GOLGA6L2: variants seen among roughly 807,000 people sequenced by gnomAD.
The protein encoded by GOLGA6L2 is golgin A6 family like 2.
Under a neutral mutation model 35.9 loss-of-function variants are expected in GOLGA6L2, and 30 were observed. The observed-to-expected ratio is 0.83, with a 90% CI of 0.62 to 1.13. The LOEUF (loss-of-function observed/expected upper bound fraction) is 1.13, where lower values mean the gene tolerates loss of function less well. GOLGA6L2 is among the 50% of genes most tolerant of loss of function. The probability of loss-of-function intolerance (pLI) is 0.00; values close to 1 mark genes in which losing one functional copy is unlikely to be tolerated. For synonymous variants in GOLGA6L2, 297 were observed against 344.0 expected, an observed-to-expected ratio of 0.86 and a Z score of 1.51; for missense variants, 821 against 973.4, an observed-to-expected ratio of 0.84 and a Z score of 2.08.
Position 23,440,701 on chromosome 15 carries a change from C to G in GOLGA6L2, c.1774G>C (p.Glu592Gln), listed in dbSNP as rs2070660224. The change falls in exon 8 of 8, where the codon GAG (glutamate) becomes CAG (glutamine). Residue 592 changes from glutamate (E) to glutamine (Q), a missense_variant. This residue lies in a region of GOLGA6L2 where 99 missense variants were observed against 199.9 expected (regional missense o/e 0.50). Coordinates refer to ENST00000567107, the MANE Select transcript of GOLGA6L2 (RefSeq NM_001304388.2). The stretch of plus-strand genomic sequence containing the variant: ...ACATCTTCTTCTGCTCCCGCATTCT[C>G]TCCTCCTTCTCCCGCAGCCTCTCGT... The part of the protein sequence containing the change: ...AGREAAGEGG[E>Q]NAGAEEDVAA... 6.7e-7 allele frequency: 1 copy of G among 1,490,886 alleles called. No homozygotes were observed. The highest frequency in any genetic ancestry group is 9.0e-7 in the Non-Finnish European group (1 of 1,108,672). 92.4% of individuals were successfully genotyped at this position (1,490,886 alleles called of 1,614,324 possible). A position where few individuals can be genotyped will look rare whatever the true frequency, so the allele number is the denominator to read the frequency against.
At position 23,439,522 on chromosome 15, in the gene GOLGA6L2, CCT is replaced by C; in HGVS notation, c.*221_*222del. On this transcript the variant is annotated 3_prime_UTR_variant, in exon 8 of 8. Coordinates refer to ENST00000567107, the MANE Select transcript of GOLGA6L2 (RefSeq NM_001304388.2). ...ACATGGCGGCTTATGCTTCTGTAGG[CCT>C]TGTTGACAGTGCCAACTTTTAGATA... 5 of 1,403,286 alleles carry C rather than the reference CCT, an allele frequency of 3.6e-6. No homozygotes were observed. Among genetic ancestry groups the C allele is most frequent in the Non-Finnish European group, 4.8e-6 (5 of 1,033,446 alleles). The allele number at this position is 1,403,286 out of a possible 1,614,324, so 86.9% of individuals were successfully genotyped here. A position where few individuals can be genotyped will look rare whatever the true frequency, so the allele number is the denominator to read the frequency against.
rs1392879569 is a variant in GOLGA6L2, at chr15:23,439,099, C to T, written c.*646G>A. Among the ~76,000 whole-genome samples, 6 of 150,992 alleles carry T rather than the reference C, an allele frequency of 4.0e-5. No individual in the cohort carries two copies. Among genetic ancestry groups the T allele is most frequent in the African/African-American group, 1.5e-4 (6 of 41,218 alleles). The stretch of plus-strand genomic sequence containing the variant: ...ACAAAACAAGACTAAATGAGAAAGA[C>T]CAAGAAGAAAAACAATAGAAACATA... On this transcript the variant is annotated 3_prime_UTR_variant, in exon 8 of 8. Transcript: ENST00000567107.
At chr15:23,443,714 T>C in intron 5 of GOLGA6L2, 63 bp downstream of exon 5, 1 of 1,276,622 alleles carries the variant, frequency 7.8e-7, no homozygotes, top group East Asian at 2.5e-5. Context: ...GAGGGACCTT[T>C]AGGCTCATTC....
chr15:23,439,412 A>C lies in GOLGA6L2; in HGVS notation c.*333T>G. On this transcript the variant is annotated 3_prime_UTR_variant, in exon 8 of 8. Coordinates refer to ENST00000567107, the MANE Select transcript of GOLGA6L2 (RefSeq NM_001304388.2). ...TAGGTTTCGGCCACAAGGCCTGGCT[A>C]GTATTTTACCACAATTTAAAGTAAA... is the stretch of plus-strand genomic sequence containing the variant. 8.8e-6 allele frequency: 4 copies of C among 456,086 alleles called. No homozygotes were observed. Among genetic ancestry groups the C allele is most frequent in the African/African-American group, 2.0e-5 (1 of 49,006 alleles). The allele number at this position is 456,086 out of a possible 1,614,324, so 28.3% of individuals were successfully genotyped here.
At chr15:23,445,534 A>G in intron 1 of GOLGA6L2, 96 bp from the exon 2 acceptor site, 2 of 272,030 alleles carry the variant, frequency 7.4e-6, no homozygotes, top group Non-Finnish European at 1.5e-5. Context: ...GATCTGATTT[A>G]ATGCCACCAA....
rs1364598013 is a variant in GOLGA6L2 at position 23,441,516 on chromosome 15, T to C, written c.959A>G (p.Glu320Gly). 6 of 1,387,320 alleles carry C rather than the reference T, an allele frequency of 4.3e-6. No homozygotes were observed. In the African/African-American group the frequency reaches 7.2e-5, roughly 17 times the overall value. 85.9% of individuals were successfully genotyped at this position (1,387,320 alleles called of 1,614,324 possible). The change falls in exon 8 of 8, where the codon GAG (glutamate) becomes GGG (glycine). Residue 320 changes from glutamate (E) to glycine (G), a missense_variant. By Grantham distance (98) the Glu-to-Gly change is moderately conservative. Transcript: ENST00000567107. Reference sequence around the variant, plus strand: ...CTTCTCCTGCTCTCGCAGCCTCTTCTCCTGTCTCCGCATCTTCTCCTCCTG... The same window carrying C: ...CTTCTCCTGCTCTCGCAGCCTCTTCCCCTGTCTCCGCATCTTCTCCTCCTG... ...REQEEKMRRQ[E>G]KRLREQEKEL...
chr15:23,442,906 T>G (rs562396403), intron 5 of GOLGA6L2, among the ~76,000 whole-genome samples: 2 of 152,110 alleles, frequency 1.3e-5, no homozygotes, highest in South Asian at 2.1e-4. Flanking sequence ...ACTGAATTGA[T>G]AGCTGGCTAA....
intron 1 of GOLGA6L2, among the ~76,000 whole-genome samples, chr15:23,446,065 T>G (rs1886777456): frequency 6.6e-6 from 1 of 152,186 alleles, no homozygotes; most frequent in South Asian, 2.1e-4. Context: ...ATGAGGAAGA[T>G]TCAAGTTGTC....
chr15:23,443,341 T>A (rs185184702), intron 5 of GOLGA6L2, among the ~76,000 whole-genome samples: 42 of 152,092 alleles, frequency 2.8e-4, no homozygotes, highest in Admixed American at 1.8e-3. Context: ...TTATGAATCC[T>A]TACAAATATG....
At chr15:23,447,040 A>G in intron 1 of GOLGA6L2, 58 bp downstream of exon 1, 3 of 672,350 alleles carry the variant, frequency 4.5e-6, no homozygotes, top group Non-Finnish European at 7.2e-6. Flanking sequence ...ATGTTCTGCC[A>G]TGGGAGGGGG....
In GOLGA6L2 at chr15:23,439,554, T is replaced by C. The variant is rs572713774; in HGVS notation, c.*191A>G. 3 of 1,532,720 alleles carry C rather than the reference T, an allele frequency of 2.0e-6. No individual in the cohort carries two copies. Among genetic ancestry groups the C allele is most frequent in the Non-Finnish European group, 2.6e-6 (3 of 1,144,652 alleles). The allele number at this position is 1,532,720 out of a possible 1,614,324, so 94.9% of individuals were successfully genotyped here. A position where few individuals can be genotyped will look rare whatever the true frequency, so the allele number is the denominator to read the frequency against. On this transcript the variant is annotated 3_prime_UTR_variant, in exon 8 of 8. Coordinates refer to ENST00000567107, the MANE Select transcript of GOLGA6L2 (RefSeq NM_001304388.2). Reference sequence around the variant, plus strand: ...GACAGTGCCAACTTTTAGATATTGATGATCTTCATCTTTCTCTTGTCTCCT... The same window carrying C: ...GACAGTGCCAACTTTTAGATATTGACGATCTTCATCTTTCTCTTGTCTCCT...
rs1376647757 is a variant in GOLGA6L2 at position 23,439,080 on chromosome 15, CA to C, written c.*664del. On this transcript the variant is annotated 3_prime_UTR_variant, in exon 8 of 8. Coordinates refer to ENST00000567107, the MANE Select transcript of GOLGA6L2 (RefSeq NM_001304388.2). ...TTACTAGGAATGCCATAAAACAAAA[CA>C]AGACTAAATGAGAAAGACCAAGAAG... Among the ~76,000 whole-genome samples the C allele has an allele frequency of 6.6e-6, 1 of 151,096 alleles. No homozygotes were observed.
At chr15:23,442,655 G>T in intron 5 of GOLGA6L2, 147 bp from the exon 6 acceptor site, 1 of 713,898 alleles carries the variant, frequency 1.4e-6, no homozygotes, top group African/African-American at 2.0e-5. Flanking sequence ...CCAAGCCCAT[G>T]GTCTCATTTT....
chr15:23,440,555 C>A lies in GOLGA6L2; in HGVS notation c.1920G>T (p.Ala640=). The change falls in exon 8 of 8, where the codon GCG becomes GCT. Residue 640 remains alanine (A), a synonymous_variant. Transcript: ENST00000567107. ...GEDAGAGEED[A]GGGGDDAGAG... ...CTCCCGCATCATCTCCTCCTCCTCC[C>A]GCATCTTCTTCTCCCGCTCCCGCAT... The A allele has an allele frequency of 2.6e-6, 3 of 1,156,538 alleles. No individual in the cohort carries two copies. Among genetic ancestry groups the A allele is most frequent in the Non-Finnish European group, 3.7e-6 (3 of 804,360 alleles). 71.6% of individuals were successfully genotyped at this position (1,156,538 alleles called of 1,614,324 possible). A position where few individuals can be genotyped will look rare whatever the true frequency, so the allele number is the denominator to read the frequency against.
chr15:23,443,817 G>C lies in GOLGA6L2; in HGVS notation c.551C>G (p.Ala184Gly). The C allele has an allele frequency of 6.5e-7, 1 of 1,539,568 alleles. No individual in the cohort carries two copies. Among genetic ancestry groups the C allele is most frequent in the Non-Finnish European group, 8.7e-7 (1 of 1,148,886 alleles). The change falls in exon 5 of 8, where the codon GCT (alanine) becomes GGT (glycine). Residue 184 changes from alanine to glycine, a missense_variant. Physicochemically the swap from Ala to Gly is moderately conservative, Grantham distance 60 (BLOSUM62 0). Transcript: ENST00000567107. The stretch of plus-strand genomic sequence containing the variant: ...GTGCCATGTGGACACAGCAGAGAGA[G>C]CCCGCTGTAACTCTCCTGCAAAGTG... ...SWHFAGELQR[A>G]LSAVSTWHKK... is the part of the protein sequence containing the mutation.
chr15:23,442,932 A>T (rs1261591582), intron 5 of GOLGA6L2, among the ~76,000 whole-genome samples: 1 of 152,144 alleles, frequency 6.6e-6, no homozygotes, highest in Non-Finnish European at 1.5e-5. Context: ...GCCCAGAGAG[A>T]TCAGATAATA....
intron 2 of GOLGA6L2, 147 bp from the exon 3 acceptor site, chr15:23,444,647 C>A (rs1394809356): frequency 1.6e-5 from 11 of 705,194 alleles, no homozygotes; most frequent in African/African-American, 3.6e-5. Flanking sequence ...AAACTCTCAA[C>A]TCCCAAAGAA....
chr15:23,443,849 A>G lies in GOLGA6L2; in HGVS notation c.519T>C (p.His173=), dbSNP rs1168453133. ...ESKDLAGRLH[H]SWHFAGELQR... is the part of the protein sequence containing the mutation. The stretch of plus-strand genomic sequence containing the variant: ...GTAACTCTCCTGCAAAGTGCCAGGA[A>G]TGATGCAAGCGGCCGGCGAGATCCT... Residue 173 remains histidine (H), a synonymous_variant, in exon 5 of 8, where the codon CAT becomes CAC. Transcript: ENST00000567107. 1.9e-6 allele frequency: 3 copies of G among 1,540,840 alleles called. No homozygotes were observed. The highest frequency in any genetic ancestry group is 2.6e-6 in the Non-Finnish European group (3 of 1,149,568).
chr15:23,444,242 T>C, intron 3 of GOLGA6L2, 30 bp from the exon 4 acceptor site: 1 of 1,600,014 alleles, frequency 6.2e-7, no homozygotes, highest in South Asian at 1.1e-5. Flanking sequence ...GAGCTCTTAC[T>C]AGGGGGAGGC....
Sources: allele counts gnomAD v4.1 joint callset (sites outside exome capture counted in the v4.1 genomes callset), GRCh38; gene constraint gnomAD v4.1.1; regional missense constraint gnomAD v4.1.1; transcripts MANE v1.5; gene names NCBI Gene and HGNC (gene_info 2026-07-23, HGNC 2026-07-21).